The following MGAM2 variants were observed in gnomAD, a reference collection of about 807,000 sequenced individuals.
MGAM2 encodes maltase-glucoamylase 2 (putative), also known as probable maltase-glucoamylase 2.
A neutral mutation model predicts 96.1 loss-of-function variants in MGAM2; 98 were observed. That is an observed-to-expected ratio of 1.02 (90% CI 0.87 to 1.21). The LOEUF is 1.21. Ranked by LOEUF, MGAM2 falls within the 50% of genes most tolerant of loss-of-function variation. MGAM2 has a pLI of 0.00. For missense variants in MGAM2, 2,055 were observed against 1,182.4 expected (o/e 1.74, Z -10.82); for synonymous variants, 749 against 414.8 (o/e 1.81, Z -9.79).
At chr7:142,200,437 A>G (rs923077447) in intron 45 of MGAM2, among the ~76,000 whole-genome samples, 2 of 152,228 alleles carry the variant, frequency 1.3e-5, no homozygotes, top group Admixed American at 1.3e-4. Flanking sequence ...GTGTTGCCCA[A>G]AGGATACTTA....
At chr7:142,211,214 T>C (rs1463995775) in intron 46 of MGAM2, among the ~76,000 whole-genome samples, 2 of 152,162 alleles carry the variant, frequency 1.3e-5, no homozygotes, top group African/African-American at 4.8e-5. Context: ...CAAAGGTAGA[T>C]AAATCCACGA....
At chr7:142,155,949 C>T (rs909503613) in intron 17 of MGAM2, among the ~76,000 whole-genome samples, 3 of 152,100 alleles carry the variant, frequency 2.0e-5, no homozygotes, top group Non-Finnish European at 4.4e-5. Context: ...AGTTTGAGAC[C>T]AGCCTGACCA....
At chr7:142,147,888 G>A (rs558896201) in intron 15 of MGAM2, among the ~76,000 whole-genome samples, 280 of 134,002 alleles carry the variant, frequency 2.1e-3, no homozygotes, top group Non-Finnish European at 3.6e-3. Context: ...CACTAGGATT[G>A]CTTGATTTTA....
chr7:142,124,090 A>C (rs556037288), intron 3 of MGAM2, among the ~76,000 whole-genome samples: 36 of 148,884 alleles, frequency 2.4e-4, no homozygotes, highest in African/African-American at 8.5e-4. Flanking sequence ...CTCACACCTC[A>C]GCTTCCTGAG....
At chr7:142,166,865 A>C (rs1160955499) in intron 25 of MGAM2, among the ~76,000 whole-genome samples, 1 of 152,236 alleles carries the variant, frequency 6.6e-6, no homozygotes, top group Non-Finnish European at 1.5e-5. Flanking sequence ...TCTGGAGTCT[A>C]GAAGTGGGAT....
At chr7:142,168,566 G>C (rs544434371) in intron 26 of MGAM2, among the ~76,000 whole-genome samples, 4 of 152,066 alleles carry the variant, frequency 2.6e-5, no homozygotes, top group Non-Finnish European at 5.9e-5. Context: ...CACCACGCCC[G>C]GCCTCGAGAA....
chr7:142,196,880 C>A, intron 40 of MGAM2, 64 bp downstream of exon 40: 1 of 701,192 alleles, frequency 1.4e-6, no homozygotes, highest in South Asian at 1.5e-5. Context: ...TTTTAACCCC[C>A]AGGACTATTA....
intron 46 of MGAM2, among the ~76,000 whole-genome samples, chr7:142,210,268 C>A (rs188744218): frequency 6.6e-6 from 1 of 151,252 alleles, no homozygotes; most frequent in Non-Finnish European, 1.5e-5. Context: ...ACTGAGTGGC[C>A]GTTTGGGCAG....
chr7:142,219,036 G>A (rs1196614102), intron 47 of MGAM2, among the ~76,000 whole-genome samples: 14 of 152,102 alleles, frequency 9.2e-5, no homozygotes. Flanking sequence ...TAGGATAAAA[G>A]GTTGATAAAA....
chr7:142,211,083 C>A (rs908306670), intron 46 of MGAM2, among the ~76,000 whole-genome samples: 15 of 152,178 alleles, frequency 9.9e-5, no homozygotes, highest in Middle Eastern at 3.2e-3. Context: ...CTCCAGCAGA[C>A]CTGCAGAAGA....
At position 142,173,338 on chromosome 7, in the gene MGAM2, C is replaced by T. The variant is rs1244837529; in HGVS notation, c.3671C>T (p.Ala1224Val). Residue 1224 changes from alanine to valine, a missense_variant, in exon 31 of 48, where the codon GCA (alanine) becomes GTA (valine). By Grantham distance (64) the Ala-to-Val change is moderately conservative. Transcript: ENST00000477922. ...EISSLYDAMV[A>V]AQIPYDVQHV... ...TCCAGTTTGTATGATGCAATGGTGG[C>T]AGCCCAGATTCCCTATGTATGAAAC... is the stretch of plus-strand genomic sequence containing the variant. 1.4e-6 allele frequency: 1 copy of T among 702,382 alleles called. No individual in the cohort carries two copies. The highest frequency in any genetic ancestry group is 2.3e-4 in the Middle Eastern group (1 of 4,366). The allele number at this position is 702,382 out of a possible 1,614,324, so 43.5% of individuals were successfully genotyped here. A position where few individuals can be genotyped will look rare whatever the true frequency, so the allele number is the denominator to read the frequency against.
intron 45 of MGAM2, among the ~76,000 whole-genome samples, chr7:142,202,477 C>T (rs148707797): frequency 1.3e-5 from 2 of 152,252 alleles, no homozygotes; most frequent in African/African-American, 4.8e-5. Flanking sequence ...CCTTGTTACC[C>T]CATCTAATAG....
chr7:142,172,321 A>G (rs1326472272), intron 29 of MGAM2, 127 bp downstream of exon 29: 10 of 551,892 alleles, frequency 1.8e-5, no homozygotes, highest in Non-Finnish European at 2.9e-5. Context: ...CTGACTTTCC[A>G]TTTATTCACC....
At chr7:142,165,284 G>C (rs1194656273) in intron 24 of MGAM2, among the ~76,000 whole-genome samples, 1 of 152,164 alleles carries the variant, frequency 6.6e-6, no homozygotes, top group African/African-American at 2.4e-5. Flanking sequence ...GTTAAAATGA[G>C]ACACTCTGAT....
At chr7:142,168,271 CTTT>C (rs71727326) in intron 26 of MGAM2, among the ~76,000 whole-genome samples, 19 of 140,892 alleles carry the variant, frequency 1.3e-4, no homozygotes, top group Admixed American at 3.6e-4. Context: ...GCATTTCTTT[CTTT>C]TTTTTTTTTT....
At chr7:142,134,531 T>A (rs1794998821) in intron 7 of MGAM2, among the ~76,000 whole-genome samples, 1 of 152,104 alleles carries the variant, frequency 6.6e-6, no homozygotes, top group East Asian at 1.9e-4. Context: ...ACTAAAAATG[T>A]CTCTTTTGAC....
chr7:142,208,012 T>G (rs564757094), intron 45 of MGAM2, among the ~76,000 whole-genome samples: 2 of 152,250 alleles, frequency 1.3e-5, no homozygotes, highest in East Asian at 3.9e-4. Flanking sequence ...AGCAATCAAT[T>G]TTAAGCACTT....
At chr7:142,118,178 C>T (rs557689894) in intron 2 of MGAM2, among the ~76,000 whole-genome samples, 1 of 152,096 alleles carries the variant, frequency 6.6e-6, no homozygotes, top group Non-Finnish European at 1.5e-5. Flanking sequence ...TCCCTCTTCC[C>T]CCTAACTCCT....
chr7:142,187,826 A>G lies in MGAM2; in HGVS notation c.4199A>G (p.Tyr1400Cys), dbSNP rs755275190. The G allele has an allele frequency of 1.4e-6, 1 of 702,430 alleles. No individual in the cohort carries two copies. The highest frequency in any genetic ancestry group is 2.0e-5 in the Admixed American group (1 of 49,992). 43.5% of individuals were successfully genotyped at this position (702,430 alleles called of 1,614,324 possible). The change falls in exon 36 of 48, where the codon TAT becomes TGT. Residue 1400 changes from tyrosine (Y) to cysteine (C), a missense_variant. Physicochemically the swap from Tyr to Cys is radical, Grantham distance 194. Transcript: ENST00000477922. Reference sequence around the variant, plus strand: ...AATGAAATGCTAAATAACCCACCCTATATGCCATGTATGTAAAATAATTAC... The same window carrying G: ...AATGAAATGCTAAATAACCCACCCTGTATGCCATGTATGTAAAATAATTAC... ...CSNEMLNNPP[Y>C]MPYLESRDKG...
Sources: allele counts gnomAD v4.1 joint callset (sites outside exome capture counted in the v4.1 genomes callset), GRCh38; gene constraint gnomAD v4.1.1; transcripts MANE v1.5; gene names NCBI Gene and HGNC (gene_info 2026-07-23, HGNC 2026-07-21).